PIN1: variants seen among roughly 807,000 people sequenced by gnomAD.
The protein encoded by PIN1 is peptidyl-prolyl cis-trans isomerase NIMA-interacting 1.
Under a neutral mutation model 19.9 loss-of-function variants are expected in PIN1, and 8 were observed. The ratio of observed to expected loss-of-function variants is 0.40; its 90% CI spans 0.24 to 0.72. PIN1 has a LOEUF of 0.72. PIN1 is among the 30% of genes least tolerant of loss of function. PIN1 has a pLI of 0.37. For synonymous variants in PIN1, 86 were observed against 90.8 expected (o/e 0.95, Z 0.30); for missense variants, 185 against 226.5 (o/e 0.82, Z 1.18).
intron 2 of PIN1, among the ~76,000 whole-genome samples, chr19:9,839,141 T>C (rs1381522967): frequency 2.0e-5 from 3 of 151,880 alleles, no homozygotes; most frequent in Non-Finnish European, 2.9e-5. Context: ...GTCAGGAAGG[T>C]AGTGAGTGCA....
At chr19:9,848,685 G>A (rs1007466794) in intron 3 of PIN1, 19 of 279,330 alleles carry the variant, frequency 6.8e-5, no homozygotes, top group African/African-American at 3.6e-4. Context: ...GTTGCAGGGT[G>A]TGGTGTGCAG....
Position 9,849,320 on chromosome 19 carries a change from T to C in PIN1, c.*121T>C. 1 of 750,368 alleles carries C rather than the reference T, an allele frequency of 1.3e-6. No individual in the cohort carries two copies. Among genetic ancestry groups the C allele is most frequent in the Admixed American group, 2.0e-5 (1 of 50,122 alleles). The allele number at this position is 750,368 out of a possible 1,614,324, so 46.5% of individuals were successfully genotyped here. On this transcript the variant is annotated 3_prime_UTR_variant, in exon 4 of 4. Coordinates refer to ENST00000247970, the MANE Select transcript of PIN1 (RefSeq NM_006221.4). ...CCTGCCACCGTCACACAGTATTTAT[T>C]GTTCCCACAATGGCTGGGAGGGGGC...
intron 2 of PIN1, among the ~76,000 whole-genome samples, chr19:9,844,506 GC>G (rs2046199989): frequency 6.6e-6 from 1 of 152,170 alleles, no homozygotes; most frequent in African/African-American, 2.4e-5. Flanking sequence ...ACAGATAGGT[GC>G]CATTCTGTTT....
In PIN1 at chr19:9,835,421, C is replaced by T. The variant is rs948745459; in HGVS notation, c.58+19C>T. ...AGCTCAGGTGCCGCGGGGGTCGGGG[C>T]TGGGGCGGGACTGCGCGGGCCCGCG... On this transcript the variant is annotated intron_variant, in intron 1 of 3. Coordinates refer to ENST00000247970, the MANE Select transcript of PIN1 (RefSeq NM_006221.4). 1.4e-6 allele frequency: 2 copies of T among 1,389,074 alleles called. No individual in the cohort carries two copies. Among genetic ancestry groups the T allele is most frequent in the Admixed American group, 2.2e-5 (1 of 46,392 alleles). The allele number at this position is 1,389,074 out of a possible 1,614,324, so 86.0% of individuals were successfully genotyped here.
At chr19:9,844,033 G>C (rs939127757) in intron 2 of PIN1, among the ~76,000 whole-genome samples, 1 of 152,092 alleles carries the variant, frequency 6.6e-6, no homozygotes, top group Non-Finnish European at 1.5e-5. Flanking sequence ...CTGGGTGACA[G>C]AGCCAGATTC....
At chr19:9,845,588 C>A (rs567036295) in intron 2 of PIN1, among the ~76,000 whole-genome samples, 1 of 152,206 alleles carries the variant, frequency 6.6e-6, no homozygotes, top group South Asian at 2.1e-4. Context: ...CCAGCCTGAA[C>A]AATAAAGTGC....
Position 9,838,683 on chromosome 19 carries a change from T to C in PIN1, c.271+35T>C. 1.4e-6 allele frequency: 2 copies of C among 1,464,916 alleles called. No homozygotes were observed. Among genetic ancestry groups the C allele is most frequent in the Non-Finnish European group, 1.8e-6 (2 of 1,083,234 alleles). 90.7% of individuals were successfully genotyped at this position (1,464,916 alleles called of 1,614,324 possible). On this transcript the variant is annotated intron_variant, in intron 2 of 3. Coordinates refer to ENST00000247970, the MANE Select transcript of PIN1 (RefSeq NM_006221.4). The surrounding 1 kb of genome is among the most constrained non-coding windows in gnomAD (Gnocchi z 5.8). ...GCGAGGGCAGGGGCTTGGGAGGGGG[T>C]CTTCTCCCAGGTGAGCCTTTGTAGA...
intron 2 of PIN1, among the ~76,000 whole-genome samples, chr19:9,845,160 C>T (rs892227735): frequency 6.6e-6 from 1 of 152,146 alleles, no homozygotes; most frequent in Admixed American, 6.5e-5. Context: ...GTCGCGGGGT[C>T]AGGTACAGGC....
chr19:9,838,004 T>G lies in PIN1; in HGVS notation c.59-432T>G. ...CCTAAGGTAGGAACTGTTATCTCCA[T>G]TTTGCAGGTGAGAACACCAAGGCCC... is the stretch of plus-strand genomic sequence containing the variant. On this transcript the variant is annotated intron_variant, in intron 1 of 3. Transcript: ENST00000247970. The surrounding 1 kb of genome is among the most constrained non-coding windows in gnomAD (Gnocchi z 5.8). 1 of 270,424 alleles carries G rather than the reference T, an allele frequency of 3.7e-6. No homozygotes were observed. The highest frequency in any genetic ancestry group is 7.3e-6 in the Non-Finnish European group (1 of 137,004). 16.8% of individuals were successfully genotyped at this position (270,424 alleles called of 1,614,324 possible). A position where few individuals can be genotyped will look rare whatever the true frequency, so the allele number is the denominator to read the frequency against.
chr19:9,837,001 AT>A, intron 1 of PIN1: 2 of 491,026 alleles, frequency 4.1e-6, no homozygotes, highest in Non-Finnish European at 7.5e-6. Flanking sequence ...TCTTATTATT[AT>A]TTTTGGAGAT....
chr19:9,848,847 C>T lies in PIN1; in HGVS notation c.383-243C>T, dbSNP rs554052849. On this transcript the variant is annotated intron_variant, in intron 3 of 3. Transcript: ENST00000247970. ...TGGCCCCTAAATGCACGGCGGCGGC[C>T]GTAGCCCTGCCTGCTATCCTTCATG... is the stretch of plus-strand genomic sequence containing the variant. 7.9e-5 allele frequency among the ~76,000 whole-genome samples: 12 copies of T among 152,306 alleles called. No homozygotes were observed. The South Asian group carries it at 2.3e-3, about 29-fold the overall frequency.
chr19:9,845,812 A>T (rs2046215254), intron 2 of PIN1, among the ~76,000 whole-genome samples: 3 of 152,148 alleles, frequency 2.0e-5, no homozygotes, highest in Admixed American at 2.0e-4. Flanking sequence ...AATTTCAGGG[A>T]TCCCTGTGGC....
rs1446763493 is a variant in PIN1 at position 9,849,177 on chromosome 19, A to T, written c.470A>T (p.His157Leu). 6.2e-7 allele frequency: 1 copy of T among 1,612,448 alleles called. No homozygotes were observed. Among genetic ancestry groups the T allele is most frequent in the South Asian group, 1.1e-5 (1 of 90,898 alleles). Residue 157 changes from histidine (H) to leucine (L), a missense_variant, in exon 4 of 4, where the codon CAC becomes CTC. His to Leu is a moderately conservative substitution (Grantham distance 99). Coordinates refer to ENST00000247970, the MANE Select transcript of PIN1 (RefSeq NM_006221.4). ...CCCGTGTTCACGGATTCCGGCATCC[A>T]CATCATCCTCCGCACTGAGTGAGGG... ...SGPVFTDSGI[H>L]IILRTE
intron 2 of PIN1, among the ~76,000 whole-genome samples, chr19:9,840,342 G>A (rs1340814235): frequency 1.3e-5 from 2 of 152,060 alleles, no homozygotes; most frequent in African/African-American, 2.4e-5. Flanking sequence ...AGCTGAGATC[G>A]TGCCACTGCA....
intron 2 of PIN1, among the ~76,000 whole-genome samples, 166 bp from the exon 3 acceptor site, chr19:9,847,864 G>A (rs1034486882): frequency 6.6e-6 from 1 of 152,160 alleles, no homozygotes; most frequent in Non-Finnish European, 1.5e-5. Context: ...GCGCATGCAG[G>A]TATGTGTGAG....
chr19:9,840,438 G>A (rs572165902), intron 2 of PIN1, among the ~76,000 whole-genome samples: 359 of 152,298 alleles, frequency 2.4e-3, no homozygotes, highest in Non-Finnish European at 4.2e-3. Flanking sequence ...CTTGCAGTAA[G>A]TTGTGTCTGA....
chr19:9,844,267 G>A (rs996135064), intron 2 of PIN1, among the ~76,000 whole-genome samples: 5 of 152,128 alleles, frequency 3.3e-5, no homozygotes, highest in Non-Finnish European at 7.3e-5. Context: ...CTGCTTAAGC[G>A]GTCACTGATT....
chr19:9,844,948 A>G (rs574620133), intron 2 of PIN1, among the ~76,000 whole-genome samples: 1 of 152,346 alleles, frequency 6.6e-6, no homozygotes, highest in Non-Finnish European at 1.5e-5. Context: ...AGGCCAACCC[A>G]GCAGCCTCCA....
Position 9,835,464 on chromosome 19 carries a change from C to G in PIN1, c.58+62C>G, listed in dbSNP as rs1006100071. The G allele has an allele frequency of 1.5e-5, 18 of 1,202,774 alleles. No individual in the cohort carries two copies. The African/African-American group carries it at 2.9e-4, about 19-fold the overall frequency. The allele number at this position is 1,202,774 out of a possible 1,614,324, so 74.5% of individuals were successfully genotyped here. A position where few individuals can be genotyped will look rare whatever the true frequency, so the allele number is the denominator to read the frequency against. On this transcript the variant is annotated intron_variant, in intron 1 of 3. Coordinates refer to ENST00000247970, the MANE Select transcript of PIN1 (RefSeq NM_006221.4). ...GGCCCGCGTAAGCAGGGCTCGAGCT[C>G]GCCCCTTGGGCGCGGCGGCAGCGCT...
Sources: allele counts gnomAD v4.1 joint callset (sites outside exome capture counted in the v4.1 genomes callset), GRCh38; gene constraint gnomAD v4.1.1; non-coding constraint Gnocchi (gnomAD v3.1); transcripts MANE v1.5; gene names NCBI Gene and HGNC (gene_info 2026-07-23, HGNC 2026-07-21).